Variants in TENM3 observed in about 807,000 individuals in gnomAD.
The protein encoded by TENM3 is teneurin transmembrane protein 3.
Under a neutral mutation model 255.1 loss-of-function variants are expected in TENM3, and 63 were observed. That is an observed-to-expected ratio of 0.25 (90% confidence interval 0.20 to 0.30). TENM3 has a LOEUF of 0.30. Ranked by LOEUF, TENM3 falls within the 10% of genes least tolerant of loss-of-function variation. The pLI is 1.00. For missense variants in TENM3, 2,929 were observed against 3,461.1 expected (o/e 0.85, Z 3.86); for synonymous variants, 1,306 against 1,322.3 (o/e 0.99, Z 0.27).
chr4:181,697,467 CT>C, the TENM3 span, among the ~76,000 whole-genome samples: 2 of 152,184 alleles, frequency 1.3e-5, no homozygotes, highest in Non-Finnish European at 2.9e-5. Context: ...GATCTTGGCT[CT>C]CTGCAACCTC....
the TENM3 span, among the ~76,000 whole-genome samples, chr4:181,558,503 A>G: frequency 6.6e-6 from 1 of 152,214 alleles, no homozygotes; most frequent in African/African-American, 2.4e-5. Context: ...ACTATTAGGC[A>G]AGCACTTATG....
At chr4:182,325,849 C>T (rs559402006) in intron 2 of TENM3, among the ~76,000 whole-genome samples, 34 of 152,266 alleles carry the variant, frequency 2.2e-4, no homozygotes, top group African/African-American at 7.7e-4. Flanking sequence ...ATCTCCACCC[C>T]GGTTATCTCC....
chr4:181,699,304 A>T, the TENM3 span, among the ~76,000 whole-genome samples: 1 of 151,964 alleles, frequency 6.6e-6, no homozygotes, highest in East Asian at 1.9e-4. Flanking sequence ...GGTGGTACAC[A>T]TCTGTAGCCC....
intron 3 of TENM3, among the ~76,000 whole-genome samples, chr4:182,374,822 A>C (rs1342201973): frequency 1.3e-5 from 2 of 152,200 alleles, no homozygotes; most frequent in African/African-American, 4.8e-5. Flanking sequence ...AAGACAGGAC[A>C]GAAGTTGCAT....
Position 182,563,059 on chromosome 4 carries a change from G to A in TENM3, c.512-37865G>A, listed in dbSNP as rs527392744. On this transcript the variant is annotated intron_variant, in intron 3 of 27. Transcript: ENST00000511685. The stretch of plus-strand genomic sequence containing the variant: ...GTACAGGAGAAGATACAGTGGTGGT[G>A]ATGGTAGGAAACCTTGATGAATATT... Among the ~76,000 whole-genome samples, 20 of 152,274 alleles carry A rather than the reference G, an allele frequency of 1.3e-4. No individual in the cohort carries two copies. The East Asian group carries it at 1.9e-3, about 15-fold the overall frequency.
At chr4:181,589,468 G>C in the TENM3 span, among the ~76,000 whole-genome samples, 1 of 152,128 alleles carries the variant, frequency 6.6e-6, no homozygotes, top group African/African-American at 2.4e-5. Context: ...TAAAACAATT[G>C]TGGTTCAAAA....
chr4:182,350,780 G>T (rs1688821017), intron 3 of TENM3, among the ~76,000 whole-genome samples: 1 of 152,118 alleles, frequency 6.6e-6, no homozygotes, highest in Admixed American at 6.6e-5. Flanking sequence ...TGCCTCCTGG[G>T]TTCAAGCCAT....
the TENM3 span, among the ~76,000 whole-genome samples, chr4:181,883,490 A>T: frequency 5.8e-4 from 89 of 152,232 alleles, 2 homozygotes; most frequent in East Asian, 0.016. Flanking sequence ...GTTGTTGTTG[A>T]GGCGGAGTCT....
intron 1 of TENM3, among the ~76,000 whole-genome samples, chr4:182,295,336 C>T (rs1180490921): frequency 1.4e-5 from 2 of 140,414 alleles, no homozygotes; most frequent in South Asian, 2.2e-4. Context: ...GATGCGATCT[C>T]GGCTCACTGC....
At chr4:181,621,239 T>C in the TENM3 span, among the ~76,000 whole-genome samples, 1 of 152,354 alleles carries the variant, frequency 6.6e-6, no homozygotes, top group South Asian at 2.1e-4. Context: ...ACCACCATTT[T>C]AAGTAAATCT....
the TENM3 span, among the ~76,000 whole-genome samples, chr4:181,543,322 TA>T: frequency 1.3e-3 from 195 of 151,630 alleles, 1 homozygote; most frequent in Non-Finnish European, 2.2e-3. Flanking sequence ...ACACAAAGGA[TA>T]AAATGTAAGG....
chr4:182,430,902 C>G (rs959634029), intron 3 of TENM3, among the ~76,000 whole-genome samples: 4 of 151,822 alleles, frequency 2.6e-5, no homozygotes, highest in African/African-American at 9.7e-5. Context: ...ATCCCAGCTA[C>G]TCGGGAGGCT....
chr4:182,770,028 C>G (rs950149955), intron 22 of TENM3, among the ~76,000 whole-genome samples: 10 of 151,328 alleles, frequency 6.6e-5, no homozygotes, highest in African/African-American at 2.4e-4. Flanking sequence ...ATTGCTTGAA[C>G]CCAGGAGGCG....
At chr4:181,668,430 G>A in the TENM3 span, among the ~76,000 whole-genome samples, 1 of 152,182 alleles carries the variant, frequency 6.6e-6, no homozygotes, top group Non-Finnish European at 1.5e-5. Flanking sequence ...GAGTTCTGGA[G>A]GCCAGAAGTC....
At chr4:182,136,084 A>G in the TENM3 span, among the ~76,000 whole-genome samples, 1 of 152,176 alleles carries the variant, frequency 6.6e-6, no homozygotes. Flanking sequence ...AGCAGACCAT[A>G]TATCTACATA....
At chr4:181,533,019 A>G in the TENM3 span, among the ~76,000 whole-genome samples, 1 of 152,186 alleles carries the variant, frequency 6.6e-6, no homozygotes, top group South Asian at 2.1e-4. Context: ...ACAGCATTTT[A>G]CAAACGTGAA....
At chr4:181,515,892 A>T in the TENM3 span, among the ~76,000 whole-genome samples, 129 of 152,314 alleles carry the variant, frequency 8.5e-4, no homozygotes, top group African/African-American at 3.0e-3. Flanking sequence ...AGATACATGC[A>T]TACTTATGTT....
At chr4:181,755,966 T>C in the TENM3 span, among the ~76,000 whole-genome samples, 1 of 152,132 alleles carries the variant, frequency 6.6e-6, no homozygotes, top group African/African-American at 2.4e-5. Flanking sequence ...TGTCACGTCA[T>C]TGATAGCAGT....
the TENM3 span, among the ~76,000 whole-genome samples, chr4:182,063,102 A>G: frequency 6.6e-6 from 1 of 152,252 alleles, no homozygotes; most frequent in Admixed American, 6.5e-5. Flanking sequence ...AAAACAACTC[A>G]GCTAAGAATG....
Sources: allele counts gnomAD v4.1 joint callset (sites outside exome capture counted in the v4.1 genomes callset), GRCh38; gene constraint gnomAD v4.1.1; transcripts MANE v1.5; gene names NCBI Gene and HGNC (gene_info 2026-07-23, HGNC 2026-07-21).